The following ALKBH8 variants were observed in gnomAD, a reference collection of about 807,000 sequenced individuals.
The protein encoded by ALKBH8 is tRNA (carboxymethyluridine(34)-5-O)-methyltransferase ALKBH8.
In ALKBH8, 36 loss-of-function variants were observed where a neutral mutation model predicts 59.8. The ratio of observed to expected loss-of-function variants is 0.60; its 90% confidence interval spans 0.46 to 0.79. The LOEUF (loss-of-function observed/expected upper bound fraction) is 0.79. Ranked by LOEUF, ALKBH8 falls within the 30% of genes least tolerant of loss-of-function variation. The pLI, the probability that ALKBH8 is intolerant of heterozygous loss-of-function variation, is 0.00. For missense variants in ALKBH8, 768 were observed against 801.0 expected, an observed-to-expected ratio of 0.96 and a Z score of 0.50; for synonymous variants, 276 against 273.6, an observed-to-expected ratio of 1.01 and a Z score of -0.09.
Position 107,549,804 on chromosome 11 carries a change from A to G in ALKBH8, c.720T>C (p.Asp240=), listed in dbSNP as rs645056. Residue 240 remains aspartate (D), a synonymous_variant, in exon 7 of 12, where the codon GAT becomes GAC. Transcript: ENST00000428149. ...TCTCATCCTCAAAAGCGGAATGTGT[A>G]TCAATATGAGCGGGAATTCCTGAGA... ...EPGQGIPAHI[D]THSAFEDEIV... The G allele has an allele frequency of 0.84, 1,298,179 of 1,548,344 alleles. 549,300 individuals carry two copies. Among genetic ancestry groups the G allele is most frequent in the Non-Finnish European group, 0.87 (990,504 of 1,144,778 alleles).
intron 10 of ALKBH8, among the ~76,000 whole-genome samples, chr11:107,514,444 A>C (rs1250603082): frequency 2.0e-5 from 3 of 152,184 alleles, no homozygotes; most frequent in Non-Finnish European, 4.4e-5. Flanking sequence ...TTTAATTTTA[A>C]AGTGAAATAA....
chr11:107,509,047 T>C (rs1025109011), intron 11 of ALKBH8, among the ~76,000 whole-genome samples: 3 of 152,234 alleles, frequency 2.0e-5, no homozygotes, highest in Non-Finnish European at 4.4e-5. Flanking sequence ...TGCTGAATCA[T>C]GTGGTAATTC....
intron 9 of ALKBH8, among the ~76,000 whole-genome samples, chr11:107,522,839 GATA>G (rs917244270): frequency 1.1e-4 from 17 of 152,072 alleles, no homozygotes; most frequent in Non-Finnish European, 2.2e-4. Flanking sequence ...TGTTGGTGTG[GATA>G]AGAAGAGAAG....
At chr11:107,557,544 T>C (rs1013072332) in intron 2 of ALKBH8, among the ~76,000 whole-genome samples, 1 of 152,230 alleles carries the variant, frequency 6.6e-6, no homozygotes, top group Non-Finnish European at 1.5e-5. Flanking sequence ...GGATCCGCAC[T>C]TTTAATATAA....
chr11:107,526,121 G>A (rs1278436186), intron 8 of ALKBH8, among the ~76,000 whole-genome samples: 4 of 151,914 alleles, frequency 2.6e-5, no homozygotes, highest in Non-Finnish European at 4.4e-5. Flanking sequence ...TAACTACCTA[G>A]GAGTCAAATT....
In ALKBH8 at chr11:107,556,974, AC is replaced by A; in HGVS notation, c.158del (p.Gly53ValfsTer4). 1 of 1,594,952 alleles carries A rather than the reference AC, an allele frequency of 6.3e-7. No homozygotes were observed. Among genetic ancestry groups the A allele is most frequent in the Admixed American group, 1.8e-5 (1 of 56,900 alleles). On this transcript the variant is annotated frameshift_variant, in exon 3 of 12. Coordinates refer to ENST00000428149, the MANE Select transcript of ALKBH8 (RefSeq NM_138775.3). LOFTEE classifies it high-confidence loss of function. The stretch of plus-strand genomic sequence containing the variant: ...GCAGCTGGTTCCGACTCACACCATT[AC>A]CCAAACCACCATTGGCAACAACCAG... ...QSLVVANGGLGNGVSRNQLLP... is the reference protein window; with the variant it reads ...QSLVVANGGLXNGVSRNQLLP...
intron 9 of ALKBH8, among the ~76,000 whole-genome samples, chr11:107,523,011 G>A (rs142016469): frequency 6.6e-6 from 1 of 150,682 alleles, no homozygotes; most frequent in East Asian, 2.0e-4. Flanking sequence ...CGTATCAAGA[G>A]CTGTTCTGTC....
At chr11:107,526,702 A>G (rs1293875738) in intron 8 of ALKBH8, among the ~76,000 whole-genome samples, 1 of 151,982 alleles carries the variant, frequency 6.6e-6, no homozygotes, top group East Asian at 1.9e-4. Context: ...ACCATTTTAC[A>G]CTTTTTGCTT....
intron 7 of ALKBH8, among the ~76,000 whole-genome samples, chr11:107,548,855 C>CT (rs56654607): frequency 0.037 from 5,398 of 146,808 alleles, 325 homozygotes; most frequent in African/African-American, 0.12. Context: ...GATTTTCTTT[C>CT]TTTTTTTTTT....
Position 107,556,975 on chromosome 11 carries a change from C to T in ALKBH8, c.158G>A (p.Gly53Asp). Residue 53 changes from glycine to aspartate, a missense_variant, in exon 3 of 12, where the codon GGT becomes GAT. Physicochemically the swap from Gly to Asp is moderately conservative, Grantham distance 94 (BLOSUM62 -1). Transcript: ENST00000428149. The part of the protein sequence containing the change: ...QSLVVANGGL[G>D]NGVSRNQLLP... ...CAGCTGGTTCCGACTCACACCATTACCCAAACCACCATTGGCAACAACCAG... is the reference window on the plus strand; with the variant it reads ...CAGCTGGTTCCGACTCACACCATTATCCAAACCACCATTGGCAACAACCAG... 1 of 1,594,626 alleles carries T rather than the reference C, an allele frequency of 6.3e-7. No individual in the cohort carries two copies.
At chr11:107,564,918 GCTGT>G (rs1865071479) in intron 1 of ALKBH8, among the ~76,000 whole-genome samples, 2 of 152,124 alleles carry the variant, frequency 1.3e-5, no homozygotes, top group South Asian at 4.2e-4. Context: ...AATCGACTTT[GCTGT>G]CTTACCTCCT....
chr11:107,552,672 T>C (rs1012766400), intron 5 of ALKBH8, among the ~76,000 whole-genome samples: 3 of 152,224 alleles, frequency 2.0e-5, no homozygotes, highest in Non-Finnish European at 4.4e-5. Context: ...TTTGTCAGTA[T>C]CAATTAACGT....
chr11:107,510,923 G>A lies in ALKBH8; in HGVS notation c.1401C>T (p.Cys467=). ...VPVRSGSCDA[C]ISIAVIHHFA... ...AATGATGAATAACAGCAATGGAGATGCAGGCATCACAAGACCCACTGCGGA... is the reference window on the plus strand; with the variant it reads ...AATGATGAATAACAGCAATGGAGATACAGGCATCACAAGACCCACTGCGGA... The change falls in exon 11 of 12, where the codon TGC becomes TGT. Residue 467 remains cysteine (C), a synonymous_variant. Transcript: ENST00000428149. 1 of 1,551,698 alleles carries A rather than the reference G, an allele frequency of 6.4e-7. No individual in the cohort carries two copies. Among genetic ancestry groups the A allele is most frequent in the Non-Finnish European group, 8.7e-7 (1 of 1,146,934 alleles).
At chr11:107,522,063 GATAAA>G (rs1464702706) in intron 10 of ALKBH8, among the ~76,000 whole-genome samples, 2 of 151,774 alleles carry the variant, frequency 1.3e-5, no homozygotes, top group Admixed American at 1.3e-4. Flanking sequence ...TAGTTTTACT[GATAAA>G]ATAATATGGT....
intron 1 of ALKBH8, among the ~76,000 whole-genome samples, chr11:107,563,342 G>A (rs1428565848): frequency 6.6e-6 from 1 of 152,122 alleles, no homozygotes; most frequent in Non-Finnish European, 1.5e-5. Flanking sequence ...TCAGTGCTAT[G>A]AGGTAATATA....
Position 107,551,717 on chromosome 11 carries a change from T to A in ALKBH8, c.700+91A>T, listed in dbSNP as rs867025514. The A allele has an allele frequency of 1.2e-3, 449 of 371,340 alleles. 1 individual carries two copies. Among genetic ancestry groups the A allele is most frequent in the East Asian group, 3.1e-3 (47 of 15,358 alleles). 23.0% of individuals were successfully genotyped at this position (371,340 alleles called of 1,614,324 possible). On this transcript the variant is annotated intron_variant, in intron 6 of 11. Coordinates refer to ENST00000428149, the MANE Select transcript of ALKBH8 (RefSeq NM_138775.3). Reference sequence around the variant, plus strand: ...CTCAAAAAAAAAAAAATAATAATAATAATAATAATAATATATCTGCCCTTA... The same window carrying A: ...CTCAAAAAAAAAAAAATAATAATAAAAATAATAATAATATATCTGCCCTTA...
rs569070175 is a variant in ALKBH8 at position 107,565,529 on chromosome 11, G to A, written c.-7+72C>T. Reference sequence around the variant, plus strand: ...CCTAGCTGGCAAGGCGGATAGAGAAGACCGGAAGAGGCTGAAAAGAGGAAG... The same window carrying A: ...CCTAGCTGGCAAGGCGGATAGAGAAAACCGGAAGAGGCTGAAAAGAGGAAG... On this transcript the variant is annotated intron_variant, in intron 1 of 11. Transcript: ENST00000428149. 2.8e-5 allele frequency: 43 copies of A among 1,532,650 alleles called. No homozygotes were observed. The African/African-American group carries it at 4.8e-4, about 17-fold the overall frequency. The allele number at this position is 1,532,650 out of a possible 1,614,324, so 94.9% of individuals were successfully genotyped here. A position where few individuals can be genotyped will look rare whatever the true frequency, so the allele number is the denominator to read the frequency against.
At chr11:107,565,518 C>A (rs1031404421) in intron 1 of ALKBH8, 83 bp downstream of exon 1, 7 of 1,528,418 alleles carry the variant, frequency 4.6e-6, no homozygotes, top group African/African-American at 1.4e-5. Flanking sequence ...GCTGGCAAGG[C>A]GGATAGAGAA....
chr11:107,522,645 C>G (rs1332532620), intron 9 of ALKBH8, 90 bp from the exon 10 acceptor site: 30 of 1,377,906 alleles, frequency 2.2e-5, no homozygotes, highest in Non-Finnish European at 2.7e-5. Context: ...AAAATCAATG[C>G]AAATTTGGTG....
Sources: allele counts gnomAD v4.1 joint callset (sites outside exome capture counted in the v4.1 genomes callset), GRCh38; gene constraint gnomAD v4.1.1; transcripts MANE v1.5; gene names NCBI Gene and HGNC (gene_info 2026-07-23, HGNC 2026-07-21).